The following GRHL1 variants were observed in gnomAD, a reference collection of about 807,000 sequenced individuals.
The protein encoded by GRHL1 is grainyhead-like protein 1 homolog.
In GRHL1, 38 loss-of-function variants were observed where a neutral mutation model predicts 75.7. The observed-to-expected ratio is 0.50, with a 90% CI of 0.39 to 0.66. GRHL1 has a LOEUF of 0.66. Among genes scored for constraint, GRHL1 ranks in the 30% least tolerant of loss-of-function variants. The pLI, the probability that GRHL1 is intolerant of heterozygous loss-of-function variation, is 0.00. For synonymous variants in GRHL1, 266 were observed against 279.4 expected (o/e 0.95, Z 0.48); for missense variants, 589 against 767.5 (o/e 0.77, Z 2.75).
At position 9,951,885 on chromosome 2, in the gene GRHL1, G is replaced by A. The variant is rs776312551; in HGVS notation, c.20+32G>A. ...GAGGCGCAGGAGTCCGGCCGCCGCG[G>A]GGGGGCCGCGCTGAGGGGCCGCACC... On this transcript the variant is annotated intron_variant, in intron 1 of 15. Transcript: ENST00000324907. This position sits in a 1 kb window ranked among gnomAD's most constrained non-coding sequence, Gnocchi z 4.2. 1.4e-6 allele frequency: 2 copies of A among 1,421,156 alleles called. No homozygotes were observed. Among genetic ancestry groups the A allele is most frequent in the Admixed American group, 2.4e-5 (1 of 42,336 alleles). 88.0% of individuals were successfully genotyped at this position (1,421,156 alleles called of 1,614,324 possible). A position where few individuals can be genotyped will look rare whatever the true frequency, so the allele number is the denominator to read the frequency against.
In GRHL1 at chr2:9,990,753, T is replaced by A. The variant is rs750746053; in HGVS notation, c.1321+6T>A. ...AAAGCAAAGCAAAAGAAAAGGCAAG[T>A]GTCCTGACCCCAGCTCCCAGGTGAA... On this transcript the variant is annotated splice_donor_region_variant and intron_variant, in intron 10 of 15. Coordinates refer to ENST00000324907, the MANE Select transcript of GRHL1 (RefSeq NM_198182.3). The surrounding 1 kb of genome is among the most constrained non-coding windows in gnomAD (Gnocchi z 4.2). 1.2e-6 allele frequency: 2 copies of A among 1,610,618 alleles called. No homozygotes were observed. Among genetic ancestry groups the A allele is most frequent in the Non-Finnish European group, 1.7e-6 (2 of 1,177,292 alleles).
chr2:9,998,957 T>C lies in GRHL1; in HGVS notation c.1678-8T>C. 6.6e-7 allele frequency: 1 copy of C among 1,512,464 alleles called. No homozygotes were observed. Among genetic ancestry groups the C allele is most frequent in the South Asian group, 1.2e-5 (1 of 83,760 alleles). The allele number at this position is 1,512,464 out of a possible 1,614,324, so 93.7% of individuals were successfully genotyped here. ...GGGTTTTGTAATTATTTTTCTTTCC[T>C]CTTTTAGATCTCAGACAAATACGAT... On this transcript the variant is annotated splice_polypyrimidine_tract_variant and splice_region_variant and intron_variant, in intron 14 of 15. Coordinates refer to ENST00000324907, the MANE Select transcript of GRHL1 (RefSeq NM_198182.3).
At chr2:9,997,818 CAA>C (rs150171875) in intron 14 of GRHL1, among the ~76,000 whole-genome samples, 5 of 126,816 alleles carry the variant, frequency 3.9e-5, no homozygotes, top group South Asian at 2.5e-4. Flanking sequence ...GACTCCGTCT[CAA>C]AAAAAAAAAA....
At chr2:9,973,319 C>CG (rs1485808811) in intron 8 of GRHL1, among the ~76,000 whole-genome samples, 3 of 152,142 alleles carry the variant, frequency 2.0e-5, no homozygotes, top group Admixed American at 2.0e-4. Context: ...TCTTGGGCCT[C>CG]ACGAATTAAT....
At chr2:9,977,782 A>T (rs946443337) in intron 8 of GRHL1, among the ~76,000 whole-genome samples, 1 of 152,232 alleles carries the variant, frequency 6.6e-6, no homozygotes, top group African/African-American at 2.4e-5. Flanking sequence ...GACCGAGGCA[A>T]TGAGAGTATA....
intron 8 of GRHL1, among the ~76,000 whole-genome samples, chr2:9,977,741 C>T (rs950714504): frequency 6.6e-6 from 1 of 152,204 alleles, no homozygotes; most frequent in Non-Finnish European, 1.5e-5. Context: ...CTCACTCCGC[C>T]CTCCGTGTCC....
Position 9,963,917 on chromosome 2 carries a change from A to T in GRHL1, c.778A>T (p.Lys260Ter), listed in dbSNP as rs1453545681. 6.2e-7 allele frequency: 1 copy of T among 1,613,996 alleles called. No individual in the cohort carries two copies. Residue 260 changes from lysine to a stop codon, truncating the protein, a stop_gained, in exon 6 of 16, where the codon AAA becomes TAA. Transcript: ENST00000324907. LOFTEE classifies it high-confidence loss of function. ...NNFEYTLEAS[K>*]SLRQKPGDST... is the part of the protein sequence containing the mutation. The stretch of plus-strand genomic sequence containing the variant: ...CTTTGAATATACCCTAGAAGCTTCA[A>T]AATCACTTCGACAGAAGCCAGGAGA...
At chr2:9,986,409 T>C (rs1668418722) in intron 9 of GRHL1, 127 bp downstream of exon 9, 1 of 450,872 alleles carries the variant, frequency 2.2e-6, no homozygotes, top group Non-Finnish European at 3.7e-6. Context: ...TTTAAAATTA[T>C]TTTTATTTAT....
intron 8 of GRHL1, among the ~76,000 whole-genome samples, chr2:9,977,979 G>T (rs1003313771): frequency 6.6e-6 from 1 of 152,222 alleles, no homozygotes; most frequent in Non-Finnish European, 1.5e-5. Flanking sequence ...CCTCCATGGC[G>T]GCCGGCGAGA....
In GRHL1 at chr2:9,951,693, A is replaced by C; in HGVS notation, c.-141A>C. 1.4e-6 allele frequency: 1 copy of C among 728,954 alleles called. No homozygotes were observed. The highest frequency in any genetic ancestry group is 2.1e-6 in the Non-Finnish European group (1 of 469,242). The allele number at this position is 728,954 out of a possible 1,614,324, so 45.2% of individuals were successfully genotyped here. On this transcript the variant is annotated 5_prime_UTR_variant, in exon 1 of 16. Coordinates refer to ENST00000324907, the MANE Select transcript of GRHL1 (RefSeq NM_198182.3). This position sits in a 1 kb window ranked among gnomAD's most constrained non-coding sequence, Gnocchi z 4.2. ...CGCGCAGCCCGCGCGGAGCCGGCTC[A>C]GAGCGAGAAAAGCAAACCCAACCCG...
At chr2:9,973,335 C>T (rs1419198485) in intron 8 of GRHL1, among the ~76,000 whole-genome samples, 1 of 152,084 alleles carries the variant, frequency 6.6e-6, no homozygotes, top group Non-Finnish European at 1.5e-5. Context: ...TTAATGGAGC[C>T]CGCACACATG....
At chr2:10,000,402 C>T (rs1255985261) in intron 15 of GRHL1, among the ~76,000 whole-genome samples, 191 bp from the exon 16 acceptor site, 2 of 152,220 alleles carry the variant, frequency 1.3e-5, no homozygotes, top group Admixed American at 6.5e-5. Flanking sequence ...ACTCAATTCT[C>T]TCAGCAATCC....
In GRHL1 at chr2:9,992,140, C is replaced by T. The variant is rs147259163; in HGVS notation, c.1455C>T (p.Gly485=). ...PDVHFANLQR[G]THVLPIASEE... ...TGCACTTTGCCAACTTGCAGCGGGG[C>T]ACTCATGTAGGTAACCAGGATCCCA... is the stretch of plus-strand genomic sequence containing the variant. The change falls in exon 11 of 16, where the codon GGC becomes GGT. Residue 485 remains glycine (G), a synonymous_variant. Coordinates refer to ENST00000324907, the MANE Select transcript of GRHL1 (RefSeq NM_198182.3). This position sits in a 1 kb window ranked among gnomAD's most constrained non-coding sequence, Gnocchi z 4.6. The T allele has an allele frequency of 7.4e-6, 12 of 1,612,516 alleles. No homozygotes were observed. The highest frequency in any genetic ancestry group is 1.0e-5 in the Non-Finnish European group (12 of 1,179,488).
intron 8 of GRHL1, among the ~76,000 whole-genome samples, chr2:9,975,479 A>T (rs112603079): frequency 0.017 from 2,636 of 152,318 alleles, 30 homozygotes; most frequent in Non-Finnish European, 0.025. Context: ...TAAATAGTCA[A>T]CTTAAGTATT....
rs2125255461 is a variant in GRHL1 at position 10,000,768 on chromosome 2, G to A, written c.*61G>A. ...CAGGTGTTTCTAGATCTTACGGTTT[G>A]GCAACTGCAGGTAACCCCAGTCAGC... On this transcript the variant is annotated 3_prime_UTR_variant, in exon 16 of 16. Coordinates refer to ENST00000324907, the MANE Select transcript of GRHL1 (RefSeq NM_198182.3). The A allele has an allele frequency of 1.1e-6, 1 of 883,614 alleles. No homozygotes were observed. Among genetic ancestry groups the A allele is most frequent in the South Asian group, 1.4e-5 (1 of 69,138 alleles). The allele number at this position is 883,614 out of a possible 1,614,324, so 54.7% of individuals were successfully genotyped here.
chr2:9,978,456 G>A (rs1329913185), intron 8 of GRHL1, among the ~76,000 whole-genome samples: 1 of 152,194 alleles, frequency 6.6e-6, no homozygotes, highest in Non-Finnish European at 1.5e-5. Flanking sequence ...CCCAGAGTTT[G>A]GAAGTGCCTG....
intron 8 of GRHL1, among the ~76,000 whole-genome samples, chr2:9,983,860 T>TAA (rs547910074): frequency 0.018 from 2,613 of 147,550 alleles, 55 homozygotes; most frequent in Middle Eastern, 0.066. Flanking sequence ...TTGAAGTGTT[T>TAA]AAAAAAAAAA....
At chr2:9,994,310 AATTATTATTATT>A (rs70948860) in intron 12 of GRHL1, among the ~76,000 whole-genome samples, 28,348 of 139,074 alleles carry the variant, frequency 0.2, 2,968 homozygotes, top group African/African-American at 0.25. Flanking sequence ...ACACCCATCT[AATTATTATTATT>A]ATTATTATTA....
rs369129872 is a variant in GRHL1, at chr2:9,965,725, G to A, written c.1110+344G>A. ...CTCCCTCTATTGAAGGAGGTGTAAGGAGTAATGAAACAATGCCCATCAAAC... is the reference window on the plus strand; with the variant it reads ...CTCCCTCTATTGAAGGAGGTGTAAGAAGTAATGAAACAATGCCCATCAAAC... On this transcript the variant is annotated intron_variant, in intron 8 of 15. Transcript: ENST00000324907. 11 of 236,662 alleles carry A rather than the reference G, an allele frequency of 4.6e-5. No individual in the cohort carries two copies. In the South Asian group the frequency reaches 4.8e-4, roughly 10 times the overall value. 14.7% of individuals were successfully genotyped at this position (236,662 alleles called of 1,614,324 possible). A position where few individuals can be genotyped will look rare whatever the true frequency, so the allele number is the denominator to read the frequency against.
Sources: allele counts gnomAD v4.1 joint callset (sites outside exome capture counted in the v4.1 genomes callset), GRCh38; gene constraint gnomAD v4.1.1; non-coding constraint Gnocchi (gnomAD v3.1); transcripts MANE v1.5; gene names NCBI Gene and HGNC (gene_info 2026-07-23, HGNC 2026-07-21).